PLA2G4A: variants seen among roughly 807,000 people sequenced by gnomAD.
The protein encoded by PLA2G4A is cytosolic phospholipase A2.
PLA2G4A carries 40 observed loss-of-function variants against 81.9 expected under a neutral mutation model. The observed-to-expected ratio is 0.49, with a 90% CI of 0.38 to 0.64. PLA2G4A has a LOEUF of 0.64. PLA2G4A is among the 30% of genes least tolerant of loss of function. The pLI is 0.00. For synonymous variants in PLA2G4A, 302 were observed against 296.9 expected, an observed-to-expected ratio of 1.02 and a Z score of -0.18; for missense variants, 715 against 905.1, an observed-to-expected ratio of 0.79 and a Z score of 2.69.
chr1:186,933,812 A>G (rs559609329), intron 8 of PLA2G4A, among the ~76,000 whole-genome samples: 1 of 152,300 alleles, frequency 6.6e-6, no homozygotes, highest in African/African-American at 2.4e-5. Flanking sequence ...GATTTGTCCA[A>G]CATCACTAGT....
At chr1:186,919,217 G>C (rs932432240) in intron 7 of PLA2G4A, among the ~76,000 whole-genome samples, 1 of 152,150 alleles carries the variant, frequency 6.6e-6, no homozygotes, top group Non-Finnish European at 1.5e-5. Flanking sequence ...ACAAAGGTTT[G>C]GCTAAAACTG....
chr1:186,895,274 A>AC (rs886594600), intron 5 of PLA2G4A, among the ~76,000 whole-genome samples: 95 of 152,348 alleles, frequency 6.2e-4, no homozygotes, highest in African/African-American at 2.2e-3. Context: ...CTATTTAGAA[A>AC]CCAACTTAGC....
chr1:186,940,370 C>G (rs1571423169), intron 10 of PLA2G4A, among the ~76,000 whole-genome samples: 1 of 152,118 alleles, frequency 6.6e-6, no homozygotes, highest in Non-Finnish European at 1.5e-5. Flanking sequence ...TTATCCACTC[C>G]TCAGTAACTT....
At chr1:186,861,209 C>T (rs528476877) in intron 2 of PLA2G4A, among the ~76,000 whole-genome samples, 1 of 152,294 alleles carries the variant, frequency 6.6e-6, no homozygotes, top group Admixed American at 6.5e-5. Context: ...GTTACCAGTA[C>T]ATGGAAAGGA....
In PLA2G4A at chr1:186,965,827, C is replaced by A. The variant is rs1271454453; in HGVS notation, c.1764+234C>A. ...AGCCCTGAGCAGGACAAGAATAATA[C>A]AGTGGGTCTGAAGTTTAGAAAGGAA... On this transcript the variant is annotated intron_variant, in intron 15 of 17. Coordinates refer to ENST00000367466, the MANE Select transcript of PLA2G4A (RefSeq NM_024420.3). 2.0e-5 allele frequency among the ~76,000 whole-genome samples: 3 copies of A among 152,060 alleles called. No individual in the cohort carries two copies. In the East Asian group the frequency reaches 5.8e-4, roughly 29 times the overall value.
intron 3 of PLA2G4A, among the ~76,000 whole-genome samples, chr1:186,892,581 C>A (rs2102110653): frequency 6.6e-6 from 1 of 152,186 alleles, no homozygotes; most frequent in African/African-American, 2.4e-5. Flanking sequence ...TTCTTGGCAC[C>A]TTTGTCAAAA....
chr1:186,973,528 C>A (rs993868592), intron 15 of PLA2G4A, among the ~76,000 whole-genome samples: 7 of 152,152 alleles, frequency 4.6e-5, no homozygotes, highest in Non-Finnish European at 7.4e-5. Flanking sequence ...TATGGAGCCA[C>A]CATTCAACCC....
intron 2 of PLA2G4A, among the ~76,000 whole-genome samples, chr1:186,855,679 T>G (rs1157539574): frequency 6.6e-6 from 1 of 152,052 alleles, no homozygotes; most frequent in African/African-American, 2.4e-5. Flanking sequence ...TTGTTGTGAG[T>G]AGCACACTTC....
At chr1:186,897,449 G>A (rs1241055395) in intron 5 of PLA2G4A, among the ~76,000 whole-genome samples, 1 of 152,002 alleles carries the variant, frequency 6.6e-6, no homozygotes, top group Non-Finnish European at 1.5e-5. Context: ...CTCCTAATTT[G>A]TAAAATTCTA....
chr1:186,868,241 A>AT (rs1207771453), intron 2 of PLA2G4A, among the ~76,000 whole-genome samples: 4 of 151,008 alleles, frequency 2.6e-5, no homozygotes, highest in East Asian at 1.9e-4. Flanking sequence ...TGCCCGGCTA[A>AT]TTTTTTTTGT....
chr1:186,927,111 C>G (rs936366918), intron 7 of PLA2G4A, among the ~76,000 whole-genome samples: 2 of 152,110 alleles, frequency 1.3e-5, no homozygotes, highest in Non-Finnish European at 2.9e-5. Context: ...TCAGACTGAA[C>G]CAATTTGGGC....
intron 12 of PLA2G4A, 47 bp downstream of exon 12, chr1:186,947,008 T>TA (rs762107709): frequency 7.1e-6 from 7 of 991,126 alleles, no homozygotes; most frequent in African/African-American, 1.6e-5. Flanking sequence ...GCTACATTGA[T>TA]AAAGTTTATT....
chr1:186,943,072 G>T (rs1656214552), intron 10 of PLA2G4A, among the ~76,000 whole-genome samples: 1 of 152,156 alleles, frequency 6.6e-6, no homozygotes, highest in Non-Finnish European at 1.5e-5. Flanking sequence ...GATTGAAAGT[G>T]GCTGTGTAGA....
chr1:186,966,262 T>A (rs1316293223), intron 15 of PLA2G4A, among the ~76,000 whole-genome samples: 1 of 151,984 alleles, frequency 6.6e-6, no homozygotes, highest in African/African-American at 2.4e-5. Context: ...CAAGCATGTT[T>A]ACATACTGAT....
chr1:186,838,587 TG>T (rs1332731283), intron 1 of PLA2G4A, among the ~76,000 whole-genome samples: 1 of 152,224 alleles, frequency 6.6e-6, no homozygotes, highest in African/African-American at 2.4e-5. Context: ...TACACTTCAG[TG>T]AAGCCCAGTT....
At position 186,988,642 on chromosome 1, in the gene PLA2G4A, T is replaced by C; in HGVS notation, c.*134T>C. 1.3e-6 allele frequency: 1 copy of C among 753,862 alleles called. No homozygotes were observed. The highest frequency in any genetic ancestry group is 2.4e-4 in the Middle Eastern group (1 of 4,132). The allele number at this position is 753,862 out of a possible 1,614,324, so 46.7% of individuals were successfully genotyped here. A position where few individuals can be genotyped will look rare whatever the true frequency, so the allele number is the denominator to read the frequency against. ...GGCTGATACTCAAAGTTGCAGTTAC[T>C]TAGCTGCATGAGAATAATACTATTA... is the stretch of plus-strand genomic sequence containing the variant. On this transcript the variant is annotated 3_prime_UTR_variant, in exon 18 of 18. Transcript: ENST00000367466.
chr1:186,957,206 T>C (rs1363123123), intron 14 of PLA2G4A, among the ~76,000 whole-genome samples: 1 of 152,182 alleles, frequency 6.6e-6, no homozygotes, highest in Admixed American at 6.5e-5. Context: ...TTCTCTGTAC[T>C]GGTCACAGTT....
At chr1:186,916,692 C>T (rs1036857557) in intron 7 of PLA2G4A, among the ~76,000 whole-genome samples, 2 of 152,088 alleles carry the variant, frequency 1.3e-5, no homozygotes, top group Non-Finnish European at 2.9e-5. Context: ...TCTGGTCTGT[C>T]GTTTCCTGGG....
chr1:186,936,208 A>C (rs1184543623), intron 8 of PLA2G4A, among the ~76,000 whole-genome samples: 2 of 151,992 alleles, frequency 1.3e-5, no homozygotes, highest in African/African-American at 4.8e-5. Flanking sequence ...GAACTAACTA[A>C]AATAGAATTT....
Sources: allele counts gnomAD v4.1 joint callset (sites outside exome capture counted in the v4.1 genomes callset), GRCh38; gene constraint gnomAD v4.1.1; transcripts MANE v1.5; gene names NCBI Gene and HGNC (gene_info 2026-07-23, HGNC 2026-07-21).